PTPRO: variants seen among roughly 807,000 people sequenced by gnomAD.
PTPRO encodes the protein protein tyrosine phosphatase receptor type O, also known as receptor-type tyrosine-protein phosphatase O.
In PTPRO, 62 loss-of-function variants were observed where a neutral mutation model predicts 145.2. That is an observed-to-expected ratio of 0.43 (90% confidence interval 0.35 to 0.53). The LOEUF is 0.53. Among genes scored for constraint, PTPRO ranks in the 20% least tolerant of loss-of-function variants. The pLI is 0.01. For synonymous variants in PTPRO, 565 were observed against 514.7 expected, an observed-to-expected ratio of 1.10 and a Z score of -1.32; for missense variants, 1,345 against 1,482.7, an observed-to-expected ratio of 0.91 and a Z score of 1.53.
intron 1 of PTPRO, among the ~76,000 whole-genome samples, chr12:15,377,409 G>A (rs901206043): frequency 6.6e-6 from 1 of 151,944 alleles, no homozygotes; most frequent in African/African-American, 2.4e-5. Context: ...ACTCTACACT[G>A]TCTACAAGAG....
At chr12:15,591,714 T>C (rs980611106) in intron 25 of PTPRO, among the ~76,000 whole-genome samples, 13 of 151,898 alleles carry the variant, frequency 8.6e-5, no homozygotes, top group African/African-American at 3.1e-4. Context: ...AATACAAAAA[T>C]TAGCTGGGCG....
intron 12 of PTPRO, among the ~76,000 whole-genome samples, chr12:15,540,826 A>G (rs1037190249): frequency 6.6e-5 from 10 of 152,190 alleles, no homozygotes; most frequent in African/African-American, 2.2e-4. Context: ...TAAATGGTAG[A>G]GATGGCCTTG....
rs548922294 is a variant in PTPRO at position 15,506,713 on chromosome 12, T to C, written c.1268-1858T>C. On this transcript the variant is annotated intron_variant, in intron 6 of 26. Coordinates refer to ENST00000281171, the MANE Select transcript of PTPRO (RefSeq NM_030667.3). ...ATCCAATTACCTCCCATCAGGTCCC[T>C]CCCTCGACAAGTGGGGATTACAATT... Among the ~76,000 whole-genome samples the C allele has an allele frequency of 3.9e-5, 6 of 152,224 alleles. No individual in the cohort carries two copies. In the South Asian group the frequency reaches 1.2e-3, roughly 32 times the overall value.
At chr12:15,469,024 T>A (rs1591838859) in intron 1 of PTPRO, among the ~76,000 whole-genome samples, 2 of 152,244 alleles carry the variant, frequency 1.3e-5, no homozygotes, top group African/African-American at 4.8e-5. Flanking sequence ...ATATACTGCC[T>A]AAATATGCTG....
intron 1 of PTPRO, among the ~76,000 whole-genome samples, chr12:15,353,582 A>G (rs780053451): frequency 1.2e-4 from 19 of 152,204 alleles, no homozygotes; most frequent in Non-Finnish European, 2.5e-4. Context: ...GATGAGAGGC[A>G]TGAGCAGAAG....
At chr12:15,411,355 T>C (rs955972202) in intron 1 of PTPRO, among the ~76,000 whole-genome samples, 2 of 152,250 alleles carry the variant, frequency 1.3e-5, no homozygotes, top group Non-Finnish European at 2.9e-5. Flanking sequence ...GGGAGTTACA[T>C]GCAGTTCTTT....
At chr12:15,576,315 G>T (rs1316415556) in intron 19 of PTPRO, among the ~76,000 whole-genome samples, 1 of 152,214 alleles carries the variant, frequency 6.6e-6, no homozygotes, top group Non-Finnish European at 1.5e-5. Context: ...CCACTTTGCT[G>T]CAATTCAACT....
At chr12:15,568,564 G>A (rs1193211868) in intron 18 of PTPRO, among the ~76,000 whole-genome samples, 1 of 152,204 alleles carries the variant, frequency 6.6e-6, no homozygotes, top group East Asian at 1.9e-4. Flanking sequence ...TGAGTTAGAT[G>A]ACAGAATGTG....
chr12:15,477,699 G>C (rs1382397832), intron 1 of PTPRO, among the ~76,000 whole-genome samples: 1 of 152,000 alleles, frequency 6.6e-6, no homozygotes, highest in African/African-American at 2.4e-5. Context: ...AGCACCCTTG[G>C]GCAAAGCAGC....
At chr12:15,587,074 C>A (rs754172413) in intron 24 of PTPRO, 23 bp downstream of exon 24, 3 of 1,613,524 alleles carry the variant, frequency 1.9e-6, no homozygotes, top group Non-Finnish European at 2.5e-6. Flanking sequence ...ACTGCATTTT[C>A]TATTAAATAT....
chr12:15,520,017 A>G (rs1942681459), intron 9 of PTPRO, among the ~76,000 whole-genome samples, 184 bp from the exon 10 acceptor site: 1 of 152,174 alleles, frequency 6.6e-6, no homozygotes, highest in South Asian at 2.1e-4. Flanking sequence ...ATATTTTTGT[A>G]TTTTACTTTA....
At chr12:15,342,607 G>A (rs2136218205) in intron 1 of PTPRO, among the ~76,000 whole-genome samples, 1 of 152,282 alleles carries the variant, frequency 6.6e-6, no homozygotes, top group East Asian at 1.9e-4. Context: ...CCTATGAAGA[G>A]CCCTCACAGG....
intron 1 of PTPRO, among the ~76,000 whole-genome samples, chr12:15,332,594 T>C (rs181464967): frequency 6.6e-6 from 1 of 152,220 alleles, no homozygotes; most frequent in East Asian, 1.9e-4. Context: ...ACCAATCAAC[T>C]TTGTTCAGTA....
intron 5 of PTPRO, among the ~76,000 whole-genome samples, chr12:15,503,162 C>T (rs571820026): frequency 5.8e-4 from 88 of 152,098 alleles, no homozygotes; most frequent in African/African-American, 1.9e-3. Flanking sequence ...TATGTTCCTA[C>T]GGCAAATAGG....
rs192172440 is a variant in PTPRO at position 15,379,997 on chromosome 12, A to G, written c.75+57196A>G. Among the ~76,000 whole-genome samples the G allele has an allele frequency of 3.5e-4, 53 of 152,278 alleles. 1 individual carries two copies. In the East Asian group the frequency reaches 6.8e-3, roughly 19 times the overall value. Reference sequence around the variant, plus strand: ...TTTTAATTTTTTTAAGCCAATGAAGAAATGAAGTGCTAGTTTTTATGTTTA... The same window carrying G: ...TTTTAATTTTTTTAAGCCAATGAAGGAATGAAGTGCTAGTTTTTATGTTTA... On this transcript the variant is annotated intron_variant, in intron 1 of 26. Transcript: ENST00000281171.
Position 15,322,920 on chromosome 12 carries a change from C to A in PTPRO, c.75+119C>A. On this transcript the variant is annotated intron_variant, in intron 1 of 26. Coordinates refer to ENST00000281171, the MANE Select transcript of PTPRO (RefSeq NM_030667.3). The surrounding 1 kb of genome is among the most constrained non-coding windows in gnomAD (Gnocchi z 6.3). ...GGCACGATGGCCCAGCCGCGGGAAGCGCCTGCCGTGCAGCCTGGGCGCACG... is the reference window on the plus strand; with the variant it reads ...GGCACGATGGCCCAGCCGCGGGAAGAGCCTGCCGTGCAGCCTGGGCGCACG... 1 of 994,084 alleles carries A rather than the reference C, an allele frequency of 1.0e-6. No homozygotes were observed. Among genetic ancestry groups the A allele is most frequent in the Non-Finnish European group, 1.5e-6 (1 of 676,848 alleles). The allele number at this position is 994,084 out of a possible 1,614,324, so 61.6% of individuals were successfully genotyped here.
intron 1 of PTPRO, among the ~76,000 whole-genome samples, chr12:15,384,474 C>G (rs563613718): frequency 1.4e-4 from 22 of 152,246 alleles, no homozygotes; most frequent in African/African-American, 5.3e-4. Flanking sequence ...CTAGCCAGAG[C>G]TCTCATCCTA....
At chr12:15,459,053 A>G (rs2030932100) in intron 1 of PTPRO, among the ~76,000 whole-genome samples, 1 of 152,148 alleles carries the variant, frequency 6.6e-6, no homozygotes, top group African/African-American at 2.4e-5. Context: ...ACCATCAGCT[A>G]TGTTCTTAGT....
intron 1 of PTPRO, among the ~76,000 whole-genome samples, chr12:15,414,013 A>G (rs1388605869): frequency 6.6e-6 from 1 of 152,206 alleles, no homozygotes; most frequent in African/African-American, 2.4e-5. Flanking sequence ...CCTAAGTACA[A>G]ATCATAAATT....
Sources: allele counts gnomAD v4.1 joint callset (sites outside exome capture counted in the v4.1 genomes callset), GRCh38; gene constraint gnomAD v4.1.1; non-coding constraint Gnocchi (gnomAD v3.1); transcripts MANE v1.5; gene names NCBI Gene and HGNC (gene_info 2026-07-23, HGNC 2026-07-21).